The following TSPAN5 variants were observed in gnomAD, a reference collection of about 807,000 sequenced individuals.
TSPAN5 encodes the protein tetraspanin 5, also known as tetraspanin-5.
TSPAN5 carries 10 observed loss-of-function variants against 37.1 expected under a neutral mutation model. That is an observed-to-expected ratio of 0.27 (90% CI 0.17 to 0.46). The LOEUF is 0.46. TSPAN5 is among the 20% of genes least tolerant of loss of function. The pLI is 1.00. For missense variants in TSPAN5, 195 were observed against 326.6 expected (o/e 0.60, Z 3.11); for synonymous variants, 110 against 118.9 (o/e 0.93, Z 0.48).
chr4:98,492,090 C>T (rs1753098466), intron 2 of TSPAN5, among the ~76,000 whole-genome samples: 1 of 152,128 alleles, frequency 6.6e-6, no homozygotes, highest in Non-Finnish European at 1.5e-5. Context: ...GATGCCTTCG[C>T]CCCTCCTTTC....
At chr4:98,616,605 C>A (rs1442398390) in intron 1 of TSPAN5, among the ~76,000 whole-genome samples, 1 of 152,188 alleles carries the variant, frequency 6.6e-6, no homozygotes, top group African/African-American at 2.4e-5. Context: ...CTCAGACTCA[C>A]CCTGAAACAT....
At chr4:98,511,485 A>T (rs965731931) in intron 1 of TSPAN5, among the ~76,000 whole-genome samples, 4 of 152,190 alleles carry the variant, frequency 2.6e-5, no homozygotes, top group African/African-American at 9.6e-5. Context: ...CTGGCATCCA[A>T]ACGTATCTAA....
intron 2 of TSPAN5, among the ~76,000 whole-genome samples, chr4:98,488,850 T>G (rs1327665746): frequency 6.6e-6 from 1 of 152,128 alleles, no homozygotes; most frequent in Non-Finnish European, 1.5e-5. Flanking sequence ...GCCAGGAGTT[T>G]GAGACCAGCC....
chr4:98,634,520 T>C (rs1319061281), intron 1 of TSPAN5, among the ~76,000 whole-genome samples: 1 of 152,190 alleles, frequency 6.6e-6, no homozygotes, highest in Non-Finnish European at 1.5e-5. Flanking sequence ...ATAAAACCCA[T>C]CAAATGTGGT....
At chr4:98,650,184 A>G (rs1293297923) in intron 1 of TSPAN5, among the ~76,000 whole-genome samples, 1 of 152,234 alleles carries the variant, frequency 6.6e-6, no homozygotes, top group Admixed American at 6.5e-5. Context: ...GGGAAGGAAG[A>G]TAAGTCTTAT....
chr4:98,479,277 A>G (rs1322868183), intron 4 of TSPAN5, among the ~76,000 whole-genome samples: 1 of 152,198 alleles, frequency 6.6e-6, no homozygotes. Flanking sequence ...TTTTTTAAAG[A>G]TCTGTTTTGT....
intron 2 of TSPAN5, among the ~76,000 whole-genome samples, chr4:98,501,388 A>G (rs1264387364): frequency 6.6e-6 from 1 of 152,184 alleles, no homozygotes; most frequent in African/African-American, 2.4e-5. Flanking sequence ...TTGCTCATTC[A>G]TTCTTTCATA....
chr4:98,586,384 C>T (rs1282243324), intron 1 of TSPAN5, among the ~76,000 whole-genome samples: 2 of 152,110 alleles, frequency 1.3e-5, no homozygotes, highest in African/African-American at 4.8e-5. Context: ...TGTGAAGAAA[C>T]CAGACTGCAG....
At chr4:98,486,678 C>T in intron 3 of TSPAN5, 60 bp downstream of exon 3, 1 of 1,597,542 alleles carries the variant, frequency 6.3e-7, no homozygotes, top group African/African-American at 1.3e-5. Flanking sequence ...GATAGGGTGA[C>T]CTCCTGATGG....
At chr4:98,513,019 A>G (rs757266797) in intron 1 of TSPAN5, among the ~76,000 whole-genome samples, 3 of 152,222 alleles carry the variant, frequency 2.0e-5, no homozygotes, top group African/African-American at 7.2e-5. Context: ...GGTTTCCCTG[A>G]GTGAGAAATG....
At chr4:98,544,912 T>C (rs749309337) in intron 1 of TSPAN5, among the ~76,000 whole-genome samples, 5 of 152,156 alleles carry the variant, frequency 3.3e-5, no homozygotes, top group African/African-American at 4.8e-5. Flanking sequence ...AGGGGAGGGA[T>C]GGTGGAAGTG....
intron 1 of TSPAN5, among the ~76,000 whole-genome samples, chr4:98,587,672 G>A (rs971612046): frequency 8.5e-5 from 13 of 152,062 alleles, no homozygotes; most frequent in South Asian, 2.1e-4. Context: ...GGCAGATCAC[G>A]AGGTCAGGAG....
intron 1 of TSPAN5, among the ~76,000 whole-genome samples, chr4:98,611,334 C>T (rs991414314): frequency 1.3e-5 from 2 of 152,128 alleles, no homozygotes; most frequent in African/African-American, 4.8e-5. Flanking sequence ...TGAAAGCACC[C>T]GGTCAATTTT....
At chr4:98,585,967 T>G (rs1249044187) in intron 1 of TSPAN5, among the ~76,000 whole-genome samples, 1 of 152,252 alleles carries the variant, frequency 6.6e-6, no homozygotes, top group Non-Finnish European at 1.5e-5. Context: ...TAAATCGTAT[T>G]TTTAAATTCT....
chr4:98,569,597 A>G (rs1213932778), intron 1 of TSPAN5, among the ~76,000 whole-genome samples: 1 of 152,220 alleles, frequency 6.6e-6, no homozygotes, highest in African/African-American at 2.4e-5. Context: ...ACTAGAGTAG[A>G]GGCAGTAGGA....
chr4:98,648,734 C>A (rs1484360228), intron 1 of TSPAN5, among the ~76,000 whole-genome samples: 1 of 152,250 alleles, frequency 6.6e-6, no homozygotes, highest in African/African-American at 2.4e-5. Context: ...ACACCACCCA[C>A]GCCCAGCTCT....
chr4:98,556,750 C>T (rs1754759902), intron 1 of TSPAN5, among the ~76,000 whole-genome samples: 1 of 152,008 alleles, frequency 6.6e-6, no homozygotes, highest in Admixed American at 6.6e-5. Flanking sequence ...TTTTATTTTC[C>T]TTCTGTGGAT....
chr4:98,549,292 G>GGTTTTTTTTTTTTTTTTT (rs1560532920), intron 1 of TSPAN5, among the ~76,000 whole-genome samples: 1 of 147,112 alleles, frequency 6.8e-6, no homozygotes. Context: ...TTGTTTGTTT[G>GGTTTTTTTTTTTTTTTTT]TTTGTTTTTG....
chr4:98,577,681 G>A (rs969531548), intron 1 of TSPAN5, among the ~76,000 whole-genome samples: 1 of 152,208 alleles, frequency 6.6e-6, no homozygotes, highest in African/African-American at 2.4e-5. Flanking sequence ...GAAAAGAGAA[G>A]CAATGTCACA....
Sources: gnomAD v4.1 joint callset for allele counts (sites outside exome capture counted in the v4.1 genomes callset) on GRCh38, gnomAD v4.1.1 for gene constraint, MANE v1.5 for transcripts, NCBI Gene and HGNC (gene_info 2026-07-23, HGNC 2026-07-21) for gene names.